Variants in ANO10 observed in about 807,000 individuals in gnomAD.
The protein encoded by ANO10 is anoctamin-10.
A neutral mutation model predicts 74.7 loss-of-function variants in ANO10; 77 were observed. The ratio of observed to expected loss-of-function variants is 1.03; its 90% confidence interval spans 0.86 to 1.25. The LOEUF (loss-of-function observed/expected upper bound fraction) is 1.25. Among genes scored for constraint, ANO10 ranks in the 50% most tolerant of loss-of-function variants. The pLI, the probability that ANO10 is intolerant of heterozygous loss-of-function variation, is 0.00. For synonymous variants in ANO10, 279 were observed against 284.9 expected, an observed-to-expected ratio of 0.98 and a Z score of 0.21; for missense variants, 721 against 778.1, an observed-to-expected ratio of 0.93 and a Z score of 0.87.
At chr3:43,528,313 GCAAA>G (rs2078301251) in intron 11 of ANO10, among the ~76,000 whole-genome samples, 1 of 150,602 alleles carries the variant, frequency 6.6e-6, no homozygotes. Flanking sequence ...CAACATGAAA[GCAAA>G]CAAAAACCAA....
At chr3:43,379,361 G>A (rs2091896841) in intron 12 of ANO10, among the ~76,000 whole-genome samples, 1 of 152,212 alleles carries the variant, frequency 6.6e-6, no homozygotes, top group African/African-American at 2.4e-5. Context: ...TAGAAGAAGT[G>A]AGGAGTGAGC....
At chr3:43,444,703 A>C (rs556642110) in intron 11 of ANO10, among the ~76,000 whole-genome samples, 57 of 152,268 alleles carry the variant, frequency 3.7e-4, no homozygotes, top group African/African-American at 1.3e-3. Context: ...GTGCAAGGAG[A>C]ACACACAATC....
At chr3:43,562,469 AAAG>A (rs1321799772) in intron 8 of ANO10, among the ~76,000 whole-genome samples, 6 of 147,776 alleles carry the variant, frequency 4.1e-5, no homozygotes, top group Non-Finnish European at 7.5e-5. Context: ...AAAAAAAAAA[AAAG>A]AAGTTTGAGA....
chr3:43,565,992 C>A (rs2080309159), intron 7 of ANO10, among the ~76,000 whole-genome samples: 1 of 152,090 alleles, frequency 6.6e-6, no homozygotes, highest in African/African-American at 2.4e-5. Flanking sequence ...CGTGTGCGAG[C>A]CGAAGCAGGG....
Position 43,504,291 on chromosome 3 carries a change from G to GGTAC in ANO10, c.1797+45428_1797+45429insGTAC, listed in dbSNP as rs2077204847. Among the ~76,000 whole-genome samples the GGTAC allele has an allele frequency of 6.1e-5, 8 of 130,742 alleles. No homozygotes were observed. The South Asian group carries it at 2.3e-3, about 37-fold the overall frequency. The allele number at this position is 130,742 out of a possible 152,430, so 85.8% of individuals were successfully genotyped here. ...CAAAAAATAAGTAGATAGGTAGGTA[G>GGTAC]GTAGGTAGGTAGATAGATAGATAGA... On this transcript the variant is annotated intron_variant, in intron 11 of 12. Coordinates refer to ENST00000292246, the MANE Select transcript of ANO10 (RefSeq NM_018075.5).
chr3:43,444,493 TCTAA>T lies in ANO10; in HGVS notation c.1798-11770_1798-11767del, dbSNP rs549583426. ...AAAAACTGTGTGCCCAGAAATATTCTCTAACTAAGGCCTACAAAGCAAAGTGATA... is the reference window on the plus strand; with the variant it reads ...AAAAACTGTGTGCCCAGAAATATTCTCTAAGGCCTACAAAGCAAAGTGATA... On this transcript the variant is annotated intron_variant, in intron 11 of 12. Transcript: ENST00000292246. 5.3e-5 allele frequency among the ~76,000 whole-genome samples: 8 copies of T among 152,350 alleles called. No individual in the cohort carries two copies. In the East Asian group the frequency reaches 9.6e-4, roughly 18 times the overall value.
chr3:43,632,027 G>A (rs1559377531), intron 1 of ANO10, among the ~76,000 whole-genome samples: 2 of 148,578 alleles, frequency 1.3e-5, no homozygotes, highest in South Asian at 2.1e-4. Flanking sequence ...GAGCCAACAC[G>A]ATGCCACTGC....
At chr3:43,688,511 T>C (rs1237199262) in intron 1 of ANO10, among the ~76,000 whole-genome samples, 5 of 152,208 alleles carry the variant, frequency 3.3e-5, no homozygotes, top group African/African-American at 9.7e-5. Context: ...CTATTGTTCC[T>C]TGTATAAGAG....
chr3:43,598,807 T>G, intron 3 of ANO10, 141 bp from the exon 4 acceptor site: 1 of 700,144 alleles, frequency 1.4e-6, no homozygotes, highest in South Asian at 2.1e-5. Flanking sequence ...GTAAATTAAA[T>G]AGAACATAAA....
chr3:43,379,951 A>G (rs2091913581), intron 12 of ANO10, among the ~76,000 whole-genome samples: 1 of 152,238 alleles, frequency 6.6e-6, no homozygotes, highest in African/African-American at 2.4e-5. Context: ...GATGCAGGAT[A>G]TGAATGGAAA....
intron 11 of ANO10, among the ~76,000 whole-genome samples, chr3:43,494,542 T>G (rs965324665): frequency 1.3e-5 from 2 of 152,128 alleles, no homozygotes; most frequent in Non-Finnish European, 2.9e-5. Context: ...CAGCTATGAG[T>G]ATGAACCCAA....
At chr3:43,486,196 G>A (rs1487887924) in intron 11 of ANO10, among the ~76,000 whole-genome samples, 1 of 152,154 alleles carries the variant, frequency 6.6e-6, no homozygotes, top group Non-Finnish European at 1.5e-5. Flanking sequence ...CTCTCTGAGG[G>A]CCTCTAGCTA....
At chr3:43,543,718 T>G (rs543038339) in intron 11 of ANO10, among the ~76,000 whole-genome samples, 1 of 152,290 alleles carries the variant, frequency 6.6e-6, no homozygotes, top group Admixed American at 6.5e-5. Flanking sequence ...TGCTGGCAGA[T>G]GGAGAGGGGG....
chr3:43,437,886 A>C (rs2093095492), intron 11 of ANO10, among the ~76,000 whole-genome samples: 3 of 152,058 alleles, frequency 2.0e-5, no homozygotes, highest in South Asian at 2.1e-4. Flanking sequence ...ACAAAAAAAA[A>C]CAAGGAAAAA....
At chr3:43,630,754 C>G (rs2083537631) in intron 1 of ANO10, among the ~76,000 whole-genome samples, 2 of 152,184 alleles carry the variant, frequency 1.3e-5, no homozygotes, top group Non-Finnish European at 2.9e-5. Context: ...GTAACTTATT[C>G]TGTCTAATTC....
chr3:43,644,289 A>G (rs2083704816), intron 1 of ANO10, among the ~76,000 whole-genome samples: 1 of 152,130 alleles, frequency 6.6e-6, no homozygotes, highest in African/African-American at 2.4e-5. Context: ...TCCCAACACT[A>G]TGTATTTAAA....
intron 1 of ANO10, among the ~76,000 whole-genome samples, chr3:43,656,193 CAG>C (rs1424916865): frequency 6.1e-5 from 9 of 147,080 alleles, no homozygotes; most frequent in African/African-American, 2.3e-4. Flanking sequence ...CAGCTAGATA[CAG>C]AGTGTCAATT....
intron 11 of ANO10, among the ~76,000 whole-genome samples, chr3:43,540,866 T>C (rs926315621): frequency 7.2e-5 from 11 of 152,220 alleles, no homozygotes; most frequent in Non-Finnish European, 1.6e-4. Context: ...GGATGTATCA[T>C]AGTAATGCCT....
chr3:43,584,357 G>A (rs187619058), intron 4 of ANO10, among the ~76,000 whole-genome samples: 2 of 152,292 alleles, frequency 1.3e-5, no homozygotes, highest in Admixed American at 1.3e-4. Context: ...TCATAGCCAT[G>A]TAGCCATAAT....
Sources: allele counts gnomAD v4.1 joint callset (sites outside exome capture counted in the v4.1 genomes callset), GRCh38; gene constraint gnomAD v4.1.1; transcripts MANE v1.5; gene names NCBI Gene and HGNC (gene_info 2026-07-23, HGNC 2026-07-21).